MAGI2: variants seen among roughly 807,000 people sequenced by gnomAD.
The protein encoded by MAGI2 is membrane-associated guanylate kinase, WW and PDZ domain-containing protein 2.
MAGI2 carries 35 observed loss-of-function variants against 133.3 expected under a neutral mutation model. That is an observed-to-expected ratio of 0.26 (90% CI 0.20 to 0.35). The LOEUF (loss-of-function observed/expected upper bound fraction) is 0.35, where lower values mean the gene tolerates loss of function less well. Ranked by LOEUF, MAGI2 falls within the 10% of genes least tolerant of loss-of-function variation. MAGI2 has a pLI of 1.00. For missense variants in MAGI2, 1,636 were observed against 1,863.4 expected (o/e 0.88, Z 2.25); for synonymous variants, 729 against 710.6 (o/e 1.03, Z -0.41).
intron 1 of MAGI2, among the ~76,000 whole-genome samples, chr7:79,381,429 A>G (rs371551132): frequency 2.0e-5 from 3 of 151,664 alleles, no homozygotes; most frequent in East Asian, 3.9e-4. Flanking sequence ...GATTATGTAT[A>G]CTCTCAATTT....
intron 16 of MAGI2, among the ~76,000 whole-genome samples, chr7:78,155,311 G>A (rs1824281026): frequency 6.6e-6 from 1 of 152,128 alleles, no homozygotes. Flanking sequence ...TGTTCTCACT[G>A]GAAGTCAAGA....
At position 79,007,193 on chromosome 7, in the gene MAGI2, A is replaced by G; in HGVS notation, c.315T>C (p.Asp105=). ...LKCVKQGGIV[D]KDLRHYLNLR... is the part of the protein sequence containing the mutation. The stretch of plus-strand genomic sequence containing the variant: ...AGTTGAGGTAGTGACGAAGGTCTTT[A>G]TCAACAATTCCTCCTAAAAATAAAA... The change falls in exon 2 of 22, where the codon GAT becomes GAC. Residue 105 remains aspartate, a synonymous_variant. Coordinates refer to ENST00000354212, the MANE Select transcript of MAGI2 (RefSeq NM_012301.4). 2 of 1,603,470 alleles carry G rather than the reference A, an allele frequency of 1.2e-6. No homozygotes were observed. The highest frequency in any genetic ancestry group is 1.7e-6 in the Non-Finnish European group (2 of 1,174,570).
At chr7:78,636,269 C>T (rs897596904) in intron 2 of MAGI2, among the ~76,000 whole-genome samples, 1 of 151,932 alleles carries the variant, frequency 6.6e-6, no homozygotes, top group African/African-American at 2.4e-5. Context: ...AAACTCTCTT[C>T]CCCTAAGATA....
Position 78,592,828 on chromosome 7 carries a change from CTTT to C in MAGI2, c.538+34289_538+34291del, listed in dbSNP as rs10675572. ...TGCCCTCCGAAAAATTACTGATTCTCTTTTTTTTTTTTTTTTTTTTTTTTGAGA... is the reference window on the plus strand; with the variant it reads ...TGCCCTCCGAAAAATTACTGATTCTCTTTTTTTTTTTTTTTTTTTTTGAGA... On this transcript the variant is annotated intron_variant, in intron 3 of 21. Transcript: ENST00000354212. Among the ~76,000 whole-genome samples, 107 of 106,840 alleles carry C rather than the reference CTTT, an allele frequency of 1.0e-3. 1 individual carries two copies. Among genetic ancestry groups the C allele is most frequent in the East Asian group, 3.6e-3 (13 of 3,658 alleles). The allele number at this position is 106,840 out of a possible 152,430, so 70.1% of individuals were successfully genotyped here.
At chr7:78,179,748 A>G (rs1479301635) in intron 13 of MAGI2, among the ~76,000 whole-genome samples, 1 of 152,236 alleles carries the variant, frequency 6.6e-6, no homozygotes, top group Admixed American at 6.5e-5. Context: ...GTCATATTTT[A>G]AAGATGGGAG....
chr7:78,609,050 A>G (rs979489074), intron 3 of MAGI2, among the ~76,000 whole-genome samples: 3 of 152,146 alleles, frequency 2.0e-5, no homozygotes, highest in Admixed American at 2.0e-4. Context: ...AGCATGGGGG[A>G]AAGATGTAGG....
chr7:78,370,316 G>T (rs970956636), intron 6 of MAGI2, among the ~76,000 whole-genome samples: 14 of 151,954 alleles, frequency 9.2e-5, no homozygotes, highest in Admixed American at 3.9e-4. Flanking sequence ...GAATATCAAG[G>T]ATGTCATTCA....
intron 2 of MAGI2, among the ~76,000 whole-genome samples, chr7:78,644,375 A>G (rs1393469029): frequency 6.6e-6 from 1 of 152,146 alleles, no homozygotes; most frequent in African/African-American, 2.4e-5. Flanking sequence ...TTAATTGCAC[A>G]TGAAAAATTT....
At chr7:79,144,299 G>T (rs1296739094) in intron 1 of MAGI2, among the ~76,000 whole-genome samples, 1 of 152,174 alleles carries the variant, frequency 6.6e-6, no homozygotes, top group Non-Finnish European at 1.5e-5. Context: ...ACGTGGAATT[G>T]TAATCCCCAG....
At chr7:78,271,305 G>C (rs182834712) in intron 9 of MAGI2, among the ~76,000 whole-genome samples, 106 of 152,280 alleles carry the variant, frequency 7.0e-4, no homozygotes, top group African/African-American at 2.4e-3. Context: ...GGATGAAGCC[G>C]ACTTGATCGT....
At chr7:78,678,384 A>T (rs747468414) in intron 2 of MAGI2, among the ~76,000 whole-genome samples, 4 of 152,058 alleles carry the variant, frequency 2.6e-5, no homozygotes, top group Non-Finnish European at 5.9e-5. Context: ...ACTCAAAGTC[A>T]TCTTCCCCTT....
In MAGI2 at chr7:78,135,135, C is replaced by T; in HGVS notation, c.2917G>A (p.Asp973Asn). Residue 973 changes from aspartate to asparagine, a missense_variant, in exon 17 of 22, where the codon GAC becomes AAC. By Grantham distance (23) the Asp-to-Asn change is conservative. Coordinates refer to ENST00000354212, the MANE Select transcript of MAGI2 (RefSeq NM_012301.4). ...TGGCCATTCACTGCTAGGATCCGGT[C>T]TCCCACTTTTAGTTTTGCACAGCGA... ...ADRCAKLKVG[D>N]RILAVNGQSI... 2 of 1,614,178 alleles carry T rather than the reference C, an allele frequency of 1.2e-6. No individual in the cohort carries two copies. Among genetic ancestry groups the T allele is most frequent in the Non-Finnish European group, 1.7e-6 (2 of 1,180,028 alleles).
chr7:78,280,845 T>C (rs951757494), intron 9 of MAGI2, among the ~76,000 whole-genome samples: 1 of 72,506 alleles, frequency 1.4e-5, no homozygotes, highest in African/African-American at 6.6e-5. Flanking sequence ...CTTCAGGTGA[T>C]GGGTATACAA....
intron 1 of MAGI2, among the ~76,000 whole-genome samples, chr7:79,392,221 G>A (rs964680429): frequency 6.6e-6 from 1 of 152,126 alleles, no homozygotes; most frequent in Non-Finnish European, 1.5e-5. Flanking sequence ...GTATTCCATG[G>A]TGTACATGTG....
chr7:79,053,440 A>G (rs1486910260), intron 1 of MAGI2, among the ~76,000 whole-genome samples: 1 of 152,168 alleles, frequency 6.6e-6, no homozygotes, highest in African/African-American at 2.4e-5. Flanking sequence ...TTCTTCATCT[A>G]TGAACACTCT....
intron 1 of MAGI2, among the ~76,000 whole-genome samples, chr7:79,217,395 G>A (rs753117471): frequency 1.3e-5 from 2 of 151,916 alleles, no homozygotes; most frequent in Non-Finnish European, 2.9e-5. Context: ...GCTATAATAA[G>A]GACAATAACA....
At chr7:78,302,470 T>C (rs1797913637) in intron 9 of MAGI2, among the ~76,000 whole-genome samples, 1 of 152,350 alleles carries the variant, frequency 6.6e-6, no homozygotes, top group African/African-American at 2.4e-5. Context: ...ACAGGTCCCA[T>C]CTGAGATCAA....
At chr7:78,464,799 A>T (rs1790447708) in intron 6 of MAGI2, among the ~76,000 whole-genome samples, 1 of 151,332 alleles carries the variant, frequency 6.6e-6, no homozygotes, top group Non-Finnish European at 1.5e-5. Context: ...ATAGTCAGTC[A>T]TTCTGGATGG....
chr7:78,934,757 A>G (rs879457933), intron 2 of MAGI2, among the ~76,000 whole-genome samples: 1 of 152,130 alleles, frequency 6.6e-6, no homozygotes, highest in Admixed American at 6.6e-5. Context: ...AAAAATTTGA[A>G]ATCAGAAACA....
Sources: allele counts gnomAD v4.1 joint callset (sites outside exome capture counted in the v4.1 genomes callset), GRCh38; gene constraint gnomAD v4.1.1; transcripts MANE v1.5; gene names NCBI Gene and HGNC (gene_info 2026-07-23, HGNC 2026-07-21).